CNTN1: variants seen among roughly 807,000 people sequenced by gnomAD.
CNTN1 encodes the protein contactin-1.
In CNTN1, 38 loss-of-function variants were observed where a neutral mutation model predicts 126.4. That is an observed-to-expected ratio of 0.30 (90% confidence interval 0.23 to 0.39). The LOEUF (loss-of-function observed/expected upper bound fraction) is 0.39, where lower values mean the gene tolerates loss of function less well. CNTN1 is among the 10% of genes least tolerant of loss of function. The pLI is 1.00. For synonymous variants in CNTN1, 413 were observed against 422.6 expected (o/e 0.98, Z 0.28); for missense variants, 1,009 against 1,248.4 (o/e 0.81, Z 2.89).
At chr12:40,747,110 T>A (rs1938216322) in intron 1 of CNTN1, among the ~76,000 whole-genome samples, 1 of 152,120 alleles carries the variant, frequency 6.6e-6, no homozygotes, top group Non-Finnish European at 1.5e-5. Context: ...ATTAATCTGA[T>A]AACATAGATC....
chr12:40,797,670 G>T (rs1940490330), intron 1 of CNTN1, among the ~76,000 whole-genome samples: 1 of 152,046 alleles, frequency 6.6e-6, no homozygotes, highest in Non-Finnish European at 1.5e-5. Context: ...ATAGAGTTTT[G>T]GTACAGAGAA....
chr12:41,012,868 C>T (rs1403245965), intron 17 of CNTN1, among the ~76,000 whole-genome samples: 1 of 152,028 alleles, frequency 6.6e-6, no homozygotes. Context: ...GATGAGGTCC[C>T]CAGTATGAAA....
chr12:40,911,107 G>C (rs4768320), intron 3 of CNTN1, among the ~76,000 whole-genome samples: 1 of 152,026 alleles, frequency 6.6e-6, no homozygotes, highest in South Asian at 2.1e-4. Context: ...TTGAGATGGA[G>C]TCTCGCTCTG....
At chr12:41,050,758 C>A (rs1949656961) in intron 23 of CNTN1, among the ~76,000 whole-genome samples, 1 of 152,054 alleles carries the variant, frequency 6.6e-6, no homozygotes, top group African/African-American at 2.4e-5. Context: ...CCTTTGCCAC[C>A]CAATTATAAC....
At chr12:40,767,616 G>T (rs578179001) in intron 1 of CNTN1, among the ~76,000 whole-genome samples, 1,231 of 25,426 alleles carry the variant, frequency 0.048, 14 homozygotes, top group Middle Eastern at 0.088. Flanking sequence ...CCCTTTTTTT[G>T]TTTGTTTGTT....
intron 1 of CNTN1, among the ~76,000 whole-genome samples, chr12:40,893,448 G>A (rs1169586246): frequency 6.6e-6 from 1 of 152,020 alleles, no homozygotes; most frequent in Non-Finnish European, 1.5e-5. Flanking sequence ...AGAAACTGCA[G>A]CTATTGTAGT....
In CNTN1 at chr12:41,016,895, G is replaced by A. The variant is rs1948793154; in HGVS notation, c.2398G>A (p.Val800Ile). Residue 800 changes from valine to isoleucine, a missense_variant, in exon 19 of 24, where the codon GTC becomes ATC. Val to Ile is a conservative substitution (Grantham distance 29). Coordinates refer to ENST00000551295, the MANE Select transcript of CNTN1 (RefSeq NM_001843.4). The part of the protein sequence containing the change: ...KGDGPYSLVA[V>I]INSAQDAPSE... ...AGATGGACCTTACAGCCTAGTAGCA[G>A]TCATTAATTCAGCACAAGACGGTAG... 6.2e-7 allele frequency: 1 copy of A among 1,614,072 alleles called. No individual in the cohort carries two copies. The highest frequency in any genetic ancestry group is 1.3e-5 in the African/African-American group (1 of 75,044).
intron 1 of CNTN1, among the ~76,000 whole-genome samples, chr12:40,801,010 G>GATTTTTTTTTTTTT (rs777712016): frequency 7.0e-6 from 1 of 142,728 alleles, no homozygotes; most frequent in African/African-American, 2.6e-5. Flanking sequence ...TCAAACTAGA[G>GATTTTTTTTTTTTT]TTTTGTTTTT....
intron 17 of CNTN1, among the ~76,000 whole-genome samples, chr12:40,994,942 C>A (rs1294619582): frequency 6.6e-6 from 1 of 152,028 alleles, no homozygotes; most frequent in African/African-American, 2.4e-5. Flanking sequence ...AATTTGAATT[C>A]TGAATCTTGC....
intron 1 of CNTN1, among the ~76,000 whole-genome samples, chr12:40,793,465 GAAA>G (rs5797683): frequency 4.1e-5 from 6 of 145,556 alleles, no homozygotes; most frequent in African/African-American, 1.0e-4. Context: ...TACTTGTGGG[GAAA>G]AAAAAAAAAA....
intron 15 of CNTN1, among the ~76,000 whole-genome samples, chr12:40,974,225 A>C (rs1392567915): frequency 6.6e-6 from 1 of 152,156 alleles, no homozygotes. Flanking sequence ...ATTTATAGCA[A>C]TCAATAAAGA....
intron 5 of CNTN1, 108 bp from the exon 6 acceptor site, chr12:40,924,449 A>G: frequency 1.4e-6 from 1 of 698,616 alleles, no homozygotes; most frequent in Non-Finnish European, 2.6e-6. Context: ...ACCACTGAGA[A>G]GTGCTGTATC....
At chr12:40,741,192 A>G (rs564764310) in intron 1 of CNTN1, among the ~76,000 whole-genome samples, 3 of 152,252 alleles carry the variant, frequency 2.0e-5, no homozygotes, top group South Asian at 4.1e-4. Context: ...ACAAAAAACA[A>G]TAAACTTCCT....
intron 23 of CNTN1, among the ~76,000 whole-genome samples, chr12:41,043,444 A>C (rs930205662): frequency 5.3e-5 from 8 of 152,230 alleles, no homozygotes; most frequent in Non-Finnish European, 7.3e-5. Context: ...GAAAACCACA[A>C]TGAGATACCA....
rs1267548665 is a variant in CNTN1, at chr12:40,929,927, T to C, written c.628T>C (p.Ser210Pro). Residue 210 changes from serine to proline, a missense_variant, in exon 7 of 24, where the codon TCC becomes CCC. Physicochemically the swap from Ser to Pro is moderately conservative, Grantham distance 74 (BLOSUM62 -1). Coordinates refer to ENST00000551295, the MANE Select transcript of CNTN1 (RefSeq NM_001843.4). ...TGAGGCTTCCGACAAAGGCAATTAT[T>C]CCTGCTTTGTTTCCAGTCCTTCTAT... is the stretch of plus-strand genomic sequence containing the variant. ...NVEASDKGNY[S>P]CFVSSPSITK... The C allele has an allele frequency of 6.2e-7, 1 of 1,612,940 alleles. No individual in the cohort carries two copies. The highest frequency in any genetic ancestry group is 1.1e-5 in the South Asian group (1 of 91,072).
At chr12:40,818,569 T>G (rs1565780610) in intron 1 of CNTN1, among the ~76,000 whole-genome samples, 1 of 152,198 alleles carries the variant, frequency 6.6e-6, no homozygotes, top group Non-Finnish European at 1.5e-5. Flanking sequence ...GTAATTTCTC[T>G]AACCTTTTAT....
In CNTN1 at chr12:40,727,472, C is replaced by T. The variant is rs182644735; in HGVS notation, c.-77+34880C>T. On this transcript the variant is annotated intron_variant, in intron 1 of 23. Transcript: ENST00000551295. Reference sequence around the variant, plus strand: ...AAAAAAAAGAATGGTCCTGAATGAGCCAGAAAATGTACATGCAAATTTTAA... The same window carrying T: ...AAAAAAAAGAATGGTCCTGAATGAGTCAGAAAATGTACATGCAAATTTTAA... Among the ~76,000 whole-genome samples the T allele has an allele frequency of 4.0e-5, 6 of 150,586 alleles. No homozygotes were observed. In the East Asian group the frequency reaches 9.8e-4, roughly 24 times the overall value.
chr12:40,755,122 T>C (rs1208949759), intron 1 of CNTN1, among the ~76,000 whole-genome samples: 2 of 144,718 alleles, frequency 1.4e-5, no homozygotes, highest in Non-Finnish European at 3.0e-5. Context: ...GCCTAGGAAG[T>C]TGAAGCTGCA....
At chr12:40,781,530 T>A (rs1939804023) in intron 1 of CNTN1, among the ~76,000 whole-genome samples, 1 of 152,000 alleles carries the variant, frequency 6.6e-6, no homozygotes, top group Admixed American at 6.6e-5. Flanking sequence ...AGGAACAAAC[T>A]TAAATGTGGT....
Sources: allele counts gnomAD v4.1 joint callset (sites outside exome capture counted in the v4.1 genomes callset), GRCh38; gene constraint gnomAD v4.1.1; transcripts MANE v1.5; gene names NCBI Gene and HGNC (gene_info 2026-07-23, HGNC 2026-07-21).